NCKAP1: variants seen among roughly 807,000 people sequenced by gnomAD.
The protein encoded by NCKAP1 is NCK associated protein 1.
NCKAP1 carries 21 observed loss-of-function variants against 151.2 expected under a neutral mutation model. The observed-to-expected ratio is 0.14, with a 90% CI of 0.10 to 0.20. NCKAP1 has a LOEUF of 0.20. Ranked by LOEUF, NCKAP1 falls within the 10% of genes least tolerant of loss-of-function variation. The pLI, the probability that NCKAP1 is intolerant of heterozygous loss-of-function variation, is 1.00. For synonymous variants in NCKAP1, 484 were observed against 451.8 expected (o/e 1.07, Z -0.90); for missense variants, 933 against 1,352.1 (o/e 0.69, Z 4.86).
At position 182,925,640 on chromosome 2, in the gene NCKAP1, A is replaced by T; in HGVS notation, c.*62T>A. On this transcript the variant is annotated 3_prime_UTR_variant, in exon 31 of 31. Transcript: ENST00000361354. Reference sequence around the variant, plus strand: ...TCAGGTCTTAAGGTAAAATAGTTCCACAGTCTACAGGTAAAACCAAGGCAA... The same window carrying T: ...TCAGGTCTTAAGGTAAAATAGTTCCTCAGTCTACAGGTAAAACCAAGGCAA... 1 of 845,984 alleles carries T rather than the reference A, an allele frequency of 1.2e-6. No individual in the cohort carries two copies. Among genetic ancestry groups the T allele is most frequent in the Non-Finnish European group, 1.8e-6 (1 of 566,274 alleles). The allele number at this position is 845,984 out of a possible 1,614,324, so 52.4% of individuals were successfully genotyped here.
chr2:182,954,816 T>A (rs939497156), intron 20 of NCKAP1, among the ~76,000 whole-genome samples: 13 of 151,666 alleles, frequency 8.6e-5, no homozygotes, highest in African/African-American at 3.1e-4. Context: ...TTAAATAAAA[T>A]AAAAAATCTT....
intron 20 of NCKAP1, 68 bp downstream of exon 20, chr2:182,956,394 C>G (rs1008856099): frequency 2.0e-5 from 30 of 1,527,862 alleles, no homozygotes; most frequent in South Asian, 2.4e-5. Flanking sequence ...CCTTATAAAA[C>G]ACTGTATAAT....
intron 23 of NCKAP1, among the ~76,000 whole-genome samples, chr2:182,947,671 T>C (rs895869478): frequency 6.6e-6 from 1 of 152,168 alleles, no homozygotes; most frequent in Non-Finnish European, 1.5e-5. Context: ...CTACCAATAC[T>C]GGAAGCAAAA....
chr2:182,954,588 T>C (rs954599070), intron 20 of NCKAP1, among the ~76,000 whole-genome samples: 2 of 151,958 alleles, frequency 1.3e-5, no homozygotes, highest in African/African-American at 2.4e-5. Context: ...TCACAAGCTA[T>C]CTGGCTGGCC....
intron 6 of NCKAP1, among the ~76,000 whole-genome samples, chr2:182,999,189 C>T (rs1232334771): frequency 6.6e-6 from 1 of 151,882 alleles, no homozygotes; most frequent in East Asian, 1.9e-4. Flanking sequence ...GCCTGAATAG[C>T]AAAGGCAAAA....
At chr2:182,991,767 A>G (rs1034367371) in intron 8 of NCKAP1, among the ~76,000 whole-genome samples, 3 of 152,302 alleles carry the variant, frequency 2.0e-5, no homozygotes, top group Admixed American at 1.3e-4. Context: ...TGGACTATCA[A>G]TATAAAAAAC....
At position 182,910,009 on chromosome 2, in the gene NCKAP1, A is replaced by G. The variant is rs1696361758; in HGVS notation, c.*15693T>C. ...GAAGGCCAAAATACAAAAGAAAATG[A>G]TAGGGTCGCAGACAGAAAGTTTTAT... On this transcript the variant is annotated 3_prime_UTR_variant, in exon 31 of 31. Transcript: ENST00000361354. 1 of 152,248 alleles carries G rather than the reference A, an allele frequency of 6.6e-6. No individual in the cohort carries two copies. Among genetic ancestry groups the G allele is most frequent in the Admixed American group, 6.5e-5 (1 of 15,290 alleles). 9.4% of individuals were successfully genotyped at this position (152,248 alleles called of 1,614,324 possible). A position where few individuals can be genotyped will look rare whatever the true frequency, so the allele number is the denominator to read the frequency against.
chr2:182,989,225 C>T, intron 8 of NCKAP1, 39 bp from the exon 9 acceptor site: 1 of 1,511,768 alleles, frequency 6.6e-7, no homozygotes. Flanking sequence ...TGTAAATGTA[C>T]AAGTATTCCA....
intron 6 of NCKAP1, 75 bp from the exon 7 acceptor site, chr2:182,995,913 G>A: frequency 7.9e-7 from 1 of 1,262,484 alleles, no homozygotes; most frequent in African/African-American, 1.5e-5. Flanking sequence ...TATAATTGCT[G>A]TGTGTTTCTA....
chr2:182,946,203 T>C (rs1697099995), intron 23 of NCKAP1, among the ~76,000 whole-genome samples: 1 of 151,942 alleles, frequency 6.6e-6, no homozygotes, highest in African/African-American at 2.4e-5. Context: ...ATCGAGACCA[T>C]CCTGGCTAAC....
At chr2:183,006,811 C>A (rs942531260) in intron 2 of NCKAP1, among the ~76,000 whole-genome samples, 15 of 152,108 alleles carry the variant, frequency 9.9e-5, no homozygotes, top group African/African-American at 3.4e-4. Context: ...TGATGTTATA[C>A]AACAGAACAT....
chr2:183,033,431 C>T (rs1699043337), intron 1 of NCKAP1, among the ~76,000 whole-genome samples: 1 of 152,154 alleles, frequency 6.6e-6, no homozygotes, highest in Admixed American at 6.5e-5. Context: ...AGATTATAAT[C>T]CTTAATTCCC....
rs147317064 is a variant in NCKAP1 at position 183,032,965 on chromosome 2, G to A, written c.108+5027C>T. Among the ~76,000 whole-genome samples the A allele has an allele frequency of 6.5e-4, 99 of 152,290 alleles. 3 individuals carry two copies. The East Asian group carries it at 0.015, about 24-fold the overall frequency. On this transcript the variant is annotated intron_variant, in intron 1 of 30. Coordinates refer to ENST00000361354, the MANE Select transcript of NCKAP1 (RefSeq NM_013436.5). ...CTCAGAAGGCTGAGGTGGGAGGATC[G>A]CCTGAGCCAGGAGGCAGAGGCTGCA...
rs1321055033 is a variant in NCKAP1 at position 182,909,160 on chromosome 2, T to C, written c.*16542A>G. On this transcript the variant is annotated 3_prime_UTR_variant, in exon 31 of 31. Coordinates refer to ENST00000361354, the MANE Select transcript of NCKAP1 (RefSeq NM_013436.5). ...TATTTTGACACCACCAAAAGGAATG[T>C]AGATCTCTCTGTTTTGATCTGGAAA... The C allele has an allele frequency of 6.6e-6, 1 of 152,270 alleles. No homozygotes were observed. Among genetic ancestry groups the C allele is most frequent in the Admixed American group, 6.5e-5 (1 of 15,288 alleles). 9.4% of individuals were successfully genotyped at this position (152,270 alleles called of 1,614,324 possible).
chr2:183,038,124 G>T lies in NCKAP1; in HGVS notation c.-25C>A, dbSNP rs1008525186. On this transcript the variant is annotated 5_prime_UTR_variant, in exon 1 of 31. Transcript: ENST00000361354. ...TGGTGGTGCTGGTGCCGCCGCCGCC[G>T]CCGGCCGCCTCGCGCCCAGTCACGG... The T allele has an allele frequency of 4.6e-6, 7 of 1,512,446 alleles. No individual in the cohort carries two copies. The South Asian group carries it at 8.5e-5, about 18-fold the overall frequency. The allele number at this position is 1,512,446 out of a possible 1,614,324, so 93.7% of individuals were successfully genotyped here. A position where few individuals can be genotyped will look rare whatever the true frequency, so the allele number is the denominator to read the frequency against.
intron 14 of NCKAP1, among the ~76,000 whole-genome samples, chr2:182,977,579 C>CATT (rs1284408092): frequency 1.3e-5 from 2 of 152,144 alleles, no homozygotes; most frequent in Non-Finnish European, 2.9e-5. Flanking sequence ...AACTTGAGGA[C>CATT]ATTAAGCCTA....
Position 182,981,270 on chromosome 2 carries a change from C to A in NCKAP1, c.1315G>T (p.Ala439Ser). Residue 439 changes from alanine (A) to serine (S), a missense_variant, in exon 13 of 31, where the codon GCT (alanine) becomes TCT (serine). Transcript: ENST00000361354. ...TGCACGAGTTCATTGAGGACAACAG[C>A]ATCAAAGCCAGAAAGGTACTGCACG... ...YYVQYLSGFD[A>S]VVLNELVQNL... 1.2e-6 allele frequency: 2 copies of A among 1,613,790 alleles called. No individual in the cohort carries two copies. Among genetic ancestry groups the A allele is most frequent in the Non-Finnish European group, 1.7e-6 (2 of 1,179,774 alleles).
chr2:182,984,691 C>T lies in NCKAP1; in HGVS notation c.1005-1309G>A, dbSNP rs1198278582. ...GCTTCTGTTACTTTAATTTCAATGA[C>T]AAGCTCTTTTTACTGACAATAATAA... On this transcript the variant is annotated intron_variant, in intron 10 of 30. Coordinates refer to ENST00000361354, the MANE Select transcript of NCKAP1 (RefSeq NM_013436.5). Among the ~76,000 whole-genome samples the T allele has an allele frequency of 2.0e-5, 3 of 152,134 alleles. No homozygotes were observed. In the East Asian group the frequency reaches 5.8e-4, roughly 29 times the overall value.
chr2:182,936,831 G>A (rs1445797392), intron 24 of NCKAP1, among the ~76,000 whole-genome samples: 1 of 152,100 alleles, frequency 6.6e-6, no homozygotes, highest in African/African-American at 2.4e-5. Flanking sequence ...CAGATGACCA[G>A]TAGATATTCA....
Sources: gnomAD v4.1 joint callset for allele counts (sites outside exome capture counted in the v4.1 genomes callset) on GRCh38, gnomAD v4.1.1 for gene constraint, MANE v1.5 for transcripts, NCBI Gene and HGNC (gene_info 2026-07-23, HGNC 2026-07-21) for gene names.